The following OPCML variants were observed in gnomAD, a reference collection of about 807,000 sequenced individuals.
OPCML encodes opioid-binding protein/cell adhesion molecule.
In OPCML, 13 loss-of-function variants were observed where a neutral mutation model predicts 37.8. The observed-to-expected ratio is 0.34, with a 90% CI of 0.22 to 0.55. The LOEUF (loss-of-function observed/expected upper bound fraction) is 0.55. Among genes scored for constraint, OPCML ranks in the 20% least tolerant of loss-of-function variants. The probability of loss-of-function intolerance (pLI) is 0.91; values close to 1 mark genes in which losing one functional copy is unlikely to be tolerated. For synonymous variants in OPCML, 176 were observed against 168.8 expected, an observed-to-expected ratio of 1.04 and a Z score of -0.33; for missense variants, 341 against 435.6, an observed-to-expected ratio of 0.78 and a Z score of 1.93.
At chr11:132,700,348 T>G (rs1325595207) in intron 2 of OPCML, among the ~76,000 whole-genome samples, 1 of 151,936 alleles carries the variant, frequency 6.6e-6, no homozygotes, top group East Asian at 1.9e-4. Context: ...TGTTTGATCT[T>G]TTTTTCTAGT....
At chr11:132,797,610 A>C (rs1938403671) in intron 2 of OPCML, among the ~76,000 whole-genome samples, 1 of 152,240 alleles carries the variant, frequency 6.6e-6, no homozygotes, top group African/African-American at 2.4e-5. Flanking sequence ...AGTGCAAATA[A>C]AATTTATGTT....
intron 1 of OPCML, among the ~76,000 whole-genome samples, chr11:132,981,274 A>T (rs940640315): frequency 3.9e-5 from 6 of 152,188 alleles, no homozygotes; most frequent in Non-Finnish European, 8.8e-5. Context: ...GACAGATAAG[A>T]TGTAGTGAGA....
chr11:133,318,854 T>C (rs1263737990), intron 1 of OPCML, among the ~76,000 whole-genome samples: 2 of 151,960 alleles, frequency 1.3e-5, no homozygotes, highest in Admixed American at 6.6e-5. Flanking sequence ...CTGGCCAACA[T>C]GGTGAAACCC....
intron 3 of OPCML, among the ~76,000 whole-genome samples, chr11:132,597,973 CT>C (rs1397141191): frequency 6.6e-6 from 1 of 151,968 alleles, no homozygotes; most frequent in Non-Finnish European, 1.5e-5. Flanking sequence ...TTCTTTTCCA[CT>C]TTACTCATTT....
At chr11:132,972,140 A>C (rs1207288296) in intron 1 of OPCML, among the ~76,000 whole-genome samples, 2 of 152,118 alleles carry the variant, frequency 1.3e-5, no homozygotes, top group South Asian at 2.1e-4. Flanking sequence ...CAGAGGCTGC[A>C]GTTTCCTGAT....
At chr11:132,822,397 C>T (rs754571800) in intron 2 of OPCML, among the ~76,000 whole-genome samples, 9 of 152,168 alleles carry the variant, frequency 5.9e-5, no homozygotes, top group Non-Finnish European at 1.0e-4. Flanking sequence ...ACTCTGCACT[C>T]GGTGACATTC....
At chr11:132,788,028 A>C (rs187058130) in intron 2 of OPCML, among the ~76,000 whole-genome samples, 92 of 152,094 alleles carry the variant, frequency 6.0e-4, no homozygotes, top group Middle Eastern at 3.4e-3. Flanking sequence ...CTACAGGCGC[A>C]CGCCACCATG....
chr11:132,850,059 C>CTG (rs1941734178), intron 2 of OPCML, among the ~76,000 whole-genome samples: 1 of 152,160 alleles, frequency 6.6e-6, no homozygotes, highest in South Asian at 2.1e-4. Flanking sequence ...ACAAACTTTC[C>CTG]TGTACCAACT....
At chr11:132,935,947 C>T (rs547872571) in intron 2 of OPCML, among the ~76,000 whole-genome samples, 25 of 152,202 alleles carry the variant, frequency 1.6e-4, no homozygotes, top group East Asian at 7.7e-4. Context: ...GGTCAAGTAA[C>T]GGGATAGTAC....
At chr11:132,756,856 G>A (rs1193283717) in intron 2 of OPCML, among the ~76,000 whole-genome samples, 1 of 152,088 alleles carries the variant, frequency 6.6e-6, no homozygotes, top group Non-Finnish European at 1.5e-5. Flanking sequence ...AGGCAAACAT[G>A]TGCCATGGTG....
intron 7 of OPCML, among the ~76,000 whole-genome samples, chr11:132,426,616 G>A (rs920843736): frequency 1.3e-5 from 2 of 152,144 alleles, no homozygotes; most frequent in Non-Finnish European, 2.9e-5. Context: ...TATTTTTGTA[G>A]AGATGGGGTT....
intron 1 of OPCML, among the ~76,000 whole-genome samples, chr11:133,233,917 T>C (rs958066928): frequency 2.0e-5 from 3 of 152,070 alleles, no homozygotes; most frequent in East Asian, 1.9e-4. Context: ...CCCAGACCAA[T>C]TGACCAGCTC....
At chr11:132,932,442 CAG>C (rs1565349312) in intron 2 of OPCML, among the ~76,000 whole-genome samples, 1 of 152,012 alleles carries the variant, frequency 6.6e-6, no homozygotes, top group Non-Finnish European at 1.5e-5. Flanking sequence ...TGAACCCTAA[CAG>C]GGTGCGTTTT....
At chr11:132,471,394 G>C (rs182974169) in intron 4 of OPCML, among the ~76,000 whole-genome samples, 7 of 152,200 alleles carry the variant, frequency 4.6e-5, no homozygotes, top group Non-Finnish European at 8.8e-5. Context: ...TAAAACAACA[G>C]TAATCATTTG....
chr11:133,463,380 A>G (rs1208183875), intron 1 of OPCML, among the ~76,000 whole-genome samples: 2 of 152,058 alleles, frequency 1.3e-5, no homozygotes, highest in Non-Finnish European at 2.9e-5. Context: ...GTACACTTGA[A>G]AATGCTTACA....
intron 1 of OPCML, among the ~76,000 whole-genome samples, chr11:133,439,959 G>A (rs1261207854): frequency 6.6e-6 from 1 of 152,136 alleles, no homozygotes; most frequent in African/African-American, 2.4e-5. Flanking sequence ...TATGATAATA[G>A]ATTAAAAGAG....
chr11:132,562,852 C>T (rs745978784), intron 3 of OPCML, among the ~76,000 whole-genome samples: 1 of 152,138 alleles, frequency 6.6e-6, no homozygotes, highest in East Asian at 1.9e-4. Context: ...AAATAAAAAG[C>T]AGGCAAAGCT....
At chr11:133,129,927 A>G (rs945609415) in intron 1 of OPCML, among the ~76,000 whole-genome samples, 10 of 152,156 alleles carry the variant, frequency 6.6e-5, no homozygotes, top group Non-Finnish European at 1.3e-4. Context: ...ATAAATACAT[A>G]AATAAAAATA....
At chr11:132,479,049 G>A (rs747288394) in intron 4 of OPCML, among the ~76,000 whole-genome samples, 50 of 152,104 alleles carry the variant, frequency 3.3e-4, no homozygotes, top group Non-Finnish European at 5.9e-4. Flanking sequence ...GGCCGAATAG[G>A]AACAGCCCTG....
Sources: gnomAD v4.1 joint callset for allele counts (sites outside exome capture counted in the v4.1 genomes callset) on GRCh38, gnomAD v4.1.1 for gene constraint, MANE v1.5 for transcripts, NCBI Gene and HGNC (gene_info 2026-07-23, HGNC 2026-07-21) for gene names.